FAM227A: variants seen among roughly 807,000 people sequenced by gnomAD.
FAM227A encodes protein FAM227A.
FAM227A carries 80 observed loss-of-function variants against 74.7 expected under a neutral mutation model. The ratio of observed to expected loss-of-function variants is 1.07; its 90% confidence interval spans 0.89 to 1.29. FAM227A has a LOEUF of 1.29. Ranked by LOEUF, FAM227A falls within the 50% of genes most tolerant of loss-of-function variation. The pLI is 0.00. For synonymous variants in FAM227A, 237 were observed against 241.8 expected (o/e 0.98, Z 0.19); for missense variants, 654 against 683.4 (o/e 0.96, Z 0.48).
chr22:38,646,852 CA>C (rs2092248457), intron 2 of FAM227A, among the ~76,000 whole-genome samples: 1 of 152,032 alleles, frequency 6.6e-6, no homozygotes, highest in South Asian at 2.1e-4. Context: ...TACTTTTTGG[CA>C]ATTATAAATA....
chr22:38,589,316 C>T (rs1602838148), intron 16 of FAM227A, among the ~76,000 whole-genome samples: 1 of 148,970 alleles, frequency 6.7e-6, no homozygotes, highest in Non-Finnish European at 1.5e-5. Flanking sequence ...CTTTGGACTT[C>T]GGCCTCCAGA....
chr22:38,650,361 C>T (rs563741288), intron 1 of FAM227A, 99 bp from the exon 2 acceptor site: 2 of 584,150 alleles, frequency 3.4e-6, no homozygotes, highest in South Asian at 4.1e-5. Flanking sequence ...AAGCACATGT[C>T]CCATGCCTGC....
chr22:38,650,889 G>C (rs1458120046), intron 1 of FAM227A, among the ~76,000 whole-genome samples: 1 of 152,158 alleles, frequency 6.6e-6, no homozygotes, highest in East Asian at 1.9e-4. Flanking sequence ...AGTCTAGTGT[G>C]ATAGGCCTCG....
intron 11 of FAM227A, chr22:38,618,326 C>T (rs1242663825): frequency 6.6e-6 from 1 of 152,192 alleles, no homozygotes; most frequent in Non-Finnish European, 1.5e-5. Context: ...AGATGGCACC[C>T]CTTGAATCTG....
chr22:38,644,885 T>C (rs4821804), intron 3 of FAM227A, among the ~76,000 whole-genome samples: 44,841 of 150,784 alleles, frequency 0.3, 6,712 homozygotes, highest in East Asian at 0.36. Context: ...GTGGGGAGTT[T>C]GAGACCAGCC....
intron 2 of FAM227A, among the ~76,000 whole-genome samples, 180 bp from the exon 3 acceptor site, chr22:38,645,825 G>A (rs780156210): frequency 6.6e-6 from 1 of 152,064 alleles, no homozygotes; most frequent in Non-Finnish European, 1.5e-5. Context: ...ACGCTTTGTT[G>A]CCCATGCTGG....
Position 38,628,236 on chromosome 22 carries a change from A to T in FAM227A, c.726+2T>A. On this transcript the variant is annotated splice_donor_variant, in intron 8 of 16. Coordinates refer to ENST00000535113, the MANE Select transcript of FAM227A (RefSeq NM_001013647.2). LOFTEE classifies it high-confidence loss of function. ...TTTTTCTAGATAGTGGCTGATGCTC[A>T]CTTTTAAGAGCGCCTCTTCAGAGTG... 6.5e-7 allele frequency: 1 copy of T among 1,528,476 alleles called. No individual in the cohort carries two copies. The highest frequency in any genetic ancestry group is 8.9e-7 in the Non-Finnish European group (1 of 1,126,300). The allele number at this position is 1,528,476 out of a possible 1,614,324, so 94.7% of individuals were successfully genotyped here. A position where few individuals can be genotyped will look rare whatever the true frequency, so the allele number is the denominator to read the frequency against.
At chr22:38,586,905 C>T (rs1203189854) in intron 16 of FAM227A, among the ~76,000 whole-genome samples, 1 of 151,870 alleles carries the variant, frequency 6.6e-6, no homozygotes, top group Non-Finnish European at 1.5e-5. Context: ...GTCTCAATCT[C>T]CTGACCTCGT....
At chr22:38,596,724 C>CCTGATGGACAGTTCAGTGT (rs2091053036) in intron 15 of FAM227A, among the ~76,000 whole-genome samples, 1 of 152,072 alleles carries the variant, frequency 6.6e-6, no homozygotes, top group Admixed American at 6.6e-5. Context: ...AGTGTACTAT[C>CCTGATGGACAGTTCAGTGT]AACTTTCTGA....
chr22:38,650,698 G>C (rs775891452), intron 1 of FAM227A, among the ~76,000 whole-genome samples: 6 of 151,978 alleles, frequency 3.9e-5, no homozygotes, highest in Non-Finnish European at 8.8e-5. Flanking sequence ...TAGAATAAGG[G>C]GTCCATCTCC....
At chr22:38,614,625 ACAAAACC>A (rs1282203776) in intron 11 of FAM227A, among the ~76,000 whole-genome samples, 1 of 152,186 alleles carries the variant, frequency 6.6e-6, no homozygotes, top group African/African-American at 2.4e-5. Context: ...TATCCCCACC[ACAAAACC>A]CAATTACTCC....
intron 12 of FAM227A, among the ~76,000 whole-genome samples, chr22:38,606,452 T>C: frequency 6.6e-6 from 1 of 152,176 alleles, no homozygotes; most frequent in Non-Finnish European, 1.5e-5. Context: ...TACACTGTAA[T>C]GTACGCAACT....
chr22:38,642,209 G>A (rs531242891), intron 3 of FAM227A, among the ~76,000 whole-genome samples: 3 of 152,270 alleles, frequency 2.0e-5, no homozygotes, highest in African/African-American at 7.2e-5. Context: ...CCTGAAAACT[G>A]AACAGACAGG....
At position 38,578,832 on chromosome 22, in the gene FAM227A, TAAAGG is replaced by T. The variant is rs893495731; in HGVS notation, c.*7288_*7292del. 8 of 152,118 alleles carry T rather than the reference TAAAGG, an allele frequency of 5.3e-5. No homozygotes were observed. The highest frequency in any genetic ancestry group is 1.9e-4 in the African/African-American group (8 of 41,390). 9.4% of individuals were successfully genotyped at this position (152,118 alleles called of 1,614,324 possible). On this transcript the variant is annotated 3_prime_UTR_variant, in exon 17 of 17. Transcript: ENST00000535113. ...TGGTGGAGGATTTTAATTTCAAAAT[TAAAGG>T]AGAGAGGCCAAAAGGAACGAGTATT...
intron 2 of FAM227A, 104 bp downstream of exon 2, chr22:38,649,923 A>G (rs1395218915): frequency 5.9e-6 from 6 of 1,012,518 alleles, no homozygotes; most frequent in Admixed American, 2.8e-5. Flanking sequence ...GGACAAGCTA[A>G]TAAGTAATGT....
intron 11 of FAM227A, among the ~76,000 whole-genome samples, chr22:38,616,807 AAG>A (rs1470402948): frequency 6.6e-6 from 1 of 152,120 alleles, no homozygotes; most frequent in Non-Finnish European, 1.5e-5. Flanking sequence ...AGATGCAGGA[AAG>A]AGGGGCGCTA....
intron 16 of FAM227A, 94 bp from the exon 17 acceptor site, chr22:38,586,293 T>A: frequency 7.4e-7 from 1 of 1,357,044 alleles, no homozygotes. Flanking sequence ...TGGCCAGTGG[T>A]GATCCTTGTG....
intron 10 of FAM227A, among the ~76,000 whole-genome samples, chr22:38,622,576 G>A (rs1183696446): frequency 2.0e-5 from 3 of 152,072 alleles, no homozygotes; most frequent in Non-Finnish European, 4.4e-5. Context: ...TTGTCGTGAG[G>A]ATTAAATAAA....
intron 11 of FAM227A, among the ~76,000 whole-genome samples, chr22:38,609,758 CTT>C (rs1248778831): frequency 6.6e-6 from 1 of 151,780 alleles, no homozygotes; most frequent in Non-Finnish European, 1.5e-5. Context: ...AATGCTCATT[CTT>C]TTTCTTTTCT....
Sources: allele counts gnomAD v4.1 joint callset (sites outside exome capture counted in the v4.1 genomes callset), GRCh38; gene constraint gnomAD v4.1.1; transcripts MANE v1.5; gene names NCBI Gene and HGNC (gene_info 2026-07-23, HGNC 2026-07-21).